MLF1: variants seen among roughly 807,000 people sequenced by gnomAD.
The protein encoded by MLF1 is myeloid leukemia factor 1, also known as myelodysplasia-myeloid leukemia factor 1.
A neutral mutation model predicts 38.3 loss-of-function variants in MLF1; 37 were observed. That is an observed-to-expected ratio of 0.96 (90% confidence interval 0.74 to 1.27). The LOEUF (loss-of-function observed/expected upper bound fraction) is 1.27. Ranked by LOEUF, MLF1 falls within the 50% of genes most tolerant of loss-of-function variation. MLF1 has a pLI of 0.00. For synonymous variants in MLF1, 95 were observed against 106.5 expected (o/e 0.89, Z 0.66); for missense variants, 331 against 349.2 (o/e 0.95, Z 0.42).
chr3:158,605,007 T>G, intron 7 of MLF1, 90 bp from the exon 8 acceptor site: 1 of 961,330 alleles, frequency 1.0e-6, no homozygotes, highest in African/African-American at 1.7e-5. Flanking sequence ...ACTTTTCTTA[T>G]ATTACAGTGG....
Position 158,588,590 on chromosome 3 carries a change from G to A in MLF1, c.48-3844G>A, listed in dbSNP as rs182849183. Among the ~76,000 whole-genome samples, 882 of 114,976 alleles carry A rather than the reference G, an allele frequency of 7.7e-3. 5 individuals carry two copies. The highest frequency in any genetic ancestry group is 0.023 in the Middle Eastern group (4 of 172). The allele number at this position is 114,976 out of a possible 152,430, so 75.4% of individuals were successfully genotyped here. On this transcript the variant is annotated intron_variant, in intron 1 of 7. Transcript: ENST00000466246. ...CACTCCAGCCTGGGCAAGAGAGCGAGACTCCGTCTCAAAAAAAAAAAAAAA... is the reference window on the plus strand; with the variant it reads ...CACTCCAGCCTGGGCAAGAGAGCGAAACTCCGTCTCAAAAAAAAAAAAAAA...
chr3:158,596,602 T>C lies in MLF1; in HGVS notation c.241-260T>C, dbSNP rs539791542. 2.0e-5 allele frequency among the ~76,000 whole-genome samples: 3 copies of C among 152,322 alleles called. No homozygotes were observed. In the East Asian group the frequency reaches 5.8e-4, roughly 29 times the overall value. ...TTAGGTGTGTATGTGTTTTTATATA[T>C]ACATGCACATATATGTATTTATAAT... On this transcript the variant is annotated intron_variant, in intron 3 of 7. Transcript: ENST00000466246.
chr3:158,584,376 GATTA>G (rs1716877949), intron 1 of MLF1, among the ~76,000 whole-genome samples: 3 of 152,140 alleles, frequency 2.0e-5, no homozygotes, highest in Admixed American at 6.6e-5. Flanking sequence ...AGGCTAACCA[GATTA>G]ATTACCTATT....
chr3:158,572,852 C>T (rs1231607792), intron 1 of MLF1, among the ~76,000 whole-genome samples: 1 of 150,458 alleles, frequency 6.6e-6, no homozygotes, highest in African/African-American at 2.5e-5. Flanking sequence ...TTGAGGGCCC[C>T]AGGTAGGGGG....
intron 1 of MLF1, among the ~76,000 whole-genome samples, chr3:158,584,980 G>GCA (rs1717010721): frequency 7.0e-6 from 1 of 142,652 alleles, no homozygotes; most frequent in Admixed American, 7.3e-5. Context: ...TAAGGTTGCA[G>GCA]TGAGCCAAGA....
chr3:158,574,416 C>A (rs1439163148), intron 1 of MLF1, among the ~76,000 whole-genome samples: 1 of 150,250 alleles, frequency 6.7e-6, no homozygotes, highest in Non-Finnish European at 1.5e-5. Flanking sequence ...GCTTGTAATT[C>A]CAGCACTTTG....
chr3:158,604,806 G>A (rs574240974), intron 7 of MLF1, among the ~76,000 whole-genome samples: 8 of 152,028 alleles, frequency 5.3e-5, no homozygotes, highest in South Asian at 2.1e-4. Flanking sequence ...CTACAGGCGC[G>A]CATCACCACG....
At chr3:158,584,971 A>C (rs1232236363) in intron 1 of MLF1, among the ~76,000 whole-genome samples, 1 of 146,534 alleles carries the variant, frequency 6.8e-6, no homozygotes, top group African/African-American at 2.5e-5. Context: ...CTGGGTGTTT[A>C]AGGTTGCAGT....
intron 1 of MLF1, among the ~76,000 whole-genome samples, chr3:158,591,572 G>A (rs1718151890): frequency 6.6e-6 from 1 of 152,158 alleles, no homozygotes; most frequent in Admixed American, 6.5e-5. Context: ...TCTGAAAGGA[G>A]GCCAGACTAT....
intron 1 of MLF1, among the ~76,000 whole-genome samples, chr3:158,585,883 T>C (rs1487303037): frequency 1.3e-5 from 2 of 152,150 alleles, no homozygotes; most frequent in Non-Finnish European, 2.9e-5. Context: ...CAATTTAAGC[T>C]GGGCGTGGTG....
intron 1 of MLF1, among the ~76,000 whole-genome samples, chr3:158,574,598 C>G (rs1715127506): frequency 6.7e-6 from 1 of 149,096 alleles, no homozygotes. Context: ...ACAGGAGAAT[C>G]ACTTGAACCC....
intron 1 of MLF1, among the ~76,000 whole-genome samples, chr3:158,591,360 A>T (rs1252224116): frequency 1.3e-5 from 2 of 151,928 alleles, no homozygotes; most frequent in African/African-American, 4.8e-5. Flanking sequence ...GGGTTTTACC[A>T]TGTTGGCCAG....
At chr3:158,597,675 CTAAT>C (rs1344453751) in intron 4 of MLF1, among the ~76,000 whole-genome samples, 3 of 152,082 alleles carry the variant, frequency 2.0e-5, no homozygotes, top group Admixed American at 6.6e-5. Flanking sequence ...TGATGTATAA[CTAAT>C]TGATTGGCTT....
rs1560111229 is a variant in MLF1, at chr3:158,600,042, A to T, written c.482A>T (p.Asp161Val). The change falls in exon 6 of 8, where the codon GAT becomes GTT. Residue 161 changes from aspartate to valine, a missense_variant. By Grantham distance (152) the Asp-to-Val change is radical (BLOSUM62 -3). Coordinates refer to ENST00000466246, the MANE Select transcript of MLF1 (RefSeq NM_001369783.1). ...GIKETRKAMR[D>V]SDSGLEKMAI... ...AAGGAAACCAGGAAAGCAATGAGAG[A>T]TTCTGACAGTGGACTAGAAAAAATG... 7.0e-7 allele frequency: 1 copy of T among 1,434,848 alleles called. No homozygotes were observed. Among genetic ancestry groups the T allele is most frequent in the Non-Finnish European group, 9.2e-7 (1 of 1,086,838 alleles). The allele number at this position is 1,434,848 out of a possible 1,614,324, so 88.9% of individuals were successfully genotyped here.
chr3:158,596,848 C>G lies in MLF1; in HGVS notation c.241-14C>G, dbSNP rs867899569. On this transcript the variant is annotated splice_polypyrimidine_tract_variant and intron_variant, in intron 3 of 7. Transcript: ENST00000466246. ...TTACCTACAGTTAATAACATACTTC[C>G]TGATATTCTGTAGCATACAGATGTC... 3 of 1,574,812 alleles carry G rather than the reference C, an allele frequency of 1.9e-6. No homozygotes were observed. The highest frequency in any genetic ancestry group is 1.7e-6 in the Non-Finnish European group (2 of 1,149,570).
chr3:158,578,719 G>A (rs1206065621), intron 1 of MLF1, among the ~76,000 whole-genome samples: 1 of 152,130 alleles, frequency 6.6e-6, no homozygotes, highest in Non-Finnish European at 1.5e-5. Flanking sequence ...TGTGGTTTGT[G>A]TGAGCAATTC....
intron 1 of MLF1, chr3:158,582,658 A>T (rs1218839782): frequency 2.4e-6 from 1 of 413,926 alleles, no homozygotes; most frequent in African/African-American, 2.1e-5. Context: ...CTCTTCAGAG[A>T]CCATGCAAGC....
At chr3:158,583,302 A>G (rs752878877) in intron 1 of MLF1, among the ~76,000 whole-genome samples, 24 of 152,330 alleles carry the variant, frequency 1.6e-4, no homozygotes, top group Admixed American at 4.6e-4. Context: ...CAGAAAGGAT[A>G]ATGTGAGGAC....
intron 1 of MLF1, among the ~76,000 whole-genome samples, chr3:158,574,522 A>G (rs971699895): frequency 6.8e-6 from 1 of 146,016 alleles, no homozygotes; most frequent in Admixed American, 6.8e-5. Flanking sequence ...AAAAAAAAAA[A>G]AAAAATACAA....
Sources: allele counts gnomAD v4.1 joint callset (sites outside exome capture counted in the v4.1 genomes callset), GRCh38; gene constraint gnomAD v4.1.1; transcripts MANE v1.5; gene names NCBI Gene and HGNC (gene_info 2026-07-23, HGNC 2026-07-21).